The following CDKAL1 variants were observed in gnomAD, a reference collection of about 807,000 sequenced individuals.
CDKAL1 encodes threonylcarbamoyladenosine tRNA methylthiotransferase.
Under a neutral mutation model 68.2 loss-of-function variants are expected in CDKAL1, and 32 were observed. The ratio of observed to expected loss-of-function variants is 0.47; its 90% CI spans 0.35 to 0.63. CDKAL1 has a LOEUF of 0.63. CDKAL1 is among the 30% of genes least tolerant of loss of function. CDKAL1 has a pLI of 0.00. For missense variants in CDKAL1, 606 were observed against 696.7 expected, an observed-to-expected ratio of 0.87 and a Z score of 1.47; for synonymous variants, 234 against 244.3, an observed-to-expected ratio of 0.96 and a Z score of 0.39.
At chr6:21,114,179 CGGAGCTTGCAGTGA>C (rs930097662) in intron 13 of CDKAL1, among the ~76,000 whole-genome samples, 7 of 141,326 alleles carry the variant, frequency 5.0e-5, no homozygotes, top group African/African-American at 7.9e-5. Flanking sequence ...ACCTGGGAGG[CGGAGCTTGCAGTGA>C]GCCGAGATCT....
chr6:21,091,542 G>T (rs1773007913), intron 12 of CDKAL1, among the ~76,000 whole-genome samples: 1 of 152,154 alleles, frequency 6.6e-6, no homozygotes. Flanking sequence ...TACAGCTCAG[G>T]CATCTCCTCA....
At chr6:20,941,573 T>C (rs1763974363) in intron 9 of CDKAL1, among the ~76,000 whole-genome samples, 1 of 152,226 alleles carries the variant, frequency 6.6e-6, no homozygotes, top group Non-Finnish European at 1.5e-5. Context: ...TTCAAATACA[T>C]TGATTGATTA....
chr6:21,191,616 T>C (rs1019753413), intron 13 of CDKAL1, among the ~76,000 whole-genome samples: 2 of 152,176 alleles, frequency 1.3e-5, no homozygotes, highest in African/African-American at 2.4e-5. Flanking sequence ...CCACTGCCAC[T>C]GCCACTGAGC....
intron 5 of CDKAL1, among the ~76,000 whole-genome samples, chr6:20,681,818 G>A (rs957007357): frequency 2.6e-5 from 4 of 152,170 alleles, no homozygotes; most frequent in African/African-American, 9.7e-5. Context: ...ATTACAGACT[G>A]TCTTAGTTTG....
At chr6:20,714,989 T>C (rs1022709149) in intron 5 of CDKAL1, among the ~76,000 whole-genome samples, 8 of 152,216 alleles carry the variant, frequency 5.3e-5, no homozygotes, top group African/African-American at 1.9e-4. Context: ...ACATATATAG[T>C]AAAAATATTA....
At chr6:21,073,484 C>A (rs1012975584) in intron 12 of CDKAL1, among the ~76,000 whole-genome samples, 14 of 152,276 alleles carry the variant, frequency 9.2e-5, no homozygotes, top group African/African-American at 3.4e-4. Flanking sequence ...TGTTCCATAT[C>A]CTTGCCAACA....
intron 15 of CDKAL1, among the ~76,000 whole-genome samples, chr6:21,211,840 C>T (rs1259811715): frequency 6.6e-6 from 1 of 152,176 alleles, no homozygotes; most frequent in Non-Finnish European, 1.5e-5. Context: ...GACTTGTAGT[C>T]TCTACTTCCC....
chr6:20,982,586 C>A (rs1282281141), intron 10 of CDKAL1, among the ~76,000 whole-genome samples: 4 of 151,410 alleles, frequency 2.6e-5, no homozygotes, highest in Admixed American at 6.6e-5. Context: ...AGACAAAAAA[C>A]CCCAAAAGAA....
intron 4 of CDKAL1, among the ~76,000 whole-genome samples, chr6:20,620,198 G>A (rs1767114791): frequency 6.6e-6 from 1 of 152,144 alleles, no homozygotes; most frequent in African/African-American, 2.4e-5. Flanking sequence ...GAAAAGAAAA[G>A]TCACCTTAAT....
chr6:20,603,768 AT>A (rs745786047), intron 4 of CDKAL1, among the ~76,000 whole-genome samples: 857 of 85,162 alleles, frequency 0.01, 2 homozygotes, highest in African/African-American at 0.022. Context: ...CAGTTGCTAA[AT>A]TTTTTTTTTT....
At chr6:21,164,533 A>G (rs528343803) in intron 13 of CDKAL1, among the ~76,000 whole-genome samples, 1 of 152,316 alleles carries the variant, frequency 6.6e-6, no homozygotes, top group East Asian at 1.9e-4. Flanking sequence ...ATTGTCTCCC[A>G]GCATTCCCTG....
intron 9 of CDKAL1, among the ~76,000 whole-genome samples, chr6:20,908,897 T>A (rs1482729232): frequency 6.6e-6 from 1 of 152,214 alleles, no homozygotes; most frequent in African/African-American, 2.4e-5. Context: ...GCTTCAGTCA[T>A]GAGAATATGA....
chr6:20,717,887 T>C (rs1772171809), intron 5 of CDKAL1, among the ~76,000 whole-genome samples: 1 of 152,238 alleles, frequency 6.6e-6, no homozygotes, highest in Middle Eastern at 3.4e-3. Context: ...TCAGGCACAG[T>C]AGAGAAGGAG....
intron 6 of CDKAL1, among the ~76,000 whole-genome samples, chr6:20,745,449 A>G (rs1773624688): frequency 6.6e-6 from 1 of 151,124 alleles, no homozygotes; most frequent in African/African-American, 2.4e-5. Context: ...GCCATGTTCT[A>G]TTTTTTTTTA....
At chr6:20,612,101 A>G (rs1193838656) in intron 4 of CDKAL1, among the ~76,000 whole-genome samples, 1 of 152,164 alleles carries the variant, frequency 6.6e-6, no homozygotes, top group Non-Finnish European at 1.5e-5. Context: ...CTTTATGGCC[A>G]AATAGCATTC....
intron 10 of CDKAL1, among the ~76,000 whole-genome samples, chr6:20,966,551 G>C (rs1321789248): frequency 6.6e-6 from 1 of 152,118 alleles, no homozygotes; most frequent in African/African-American, 2.4e-5. Flanking sequence ...AATCCTGAAA[G>C]ATCCCCAATT....
At chr6:20,604,689 G>A (rs1766258273) in intron 4 of CDKAL1, among the ~76,000 whole-genome samples, 1 of 152,150 alleles carries the variant, frequency 6.6e-6, no homozygotes, top group South Asian at 2.1e-4. Flanking sequence ...TAATTGAAAG[G>A]TAGAATGGCT....
chr6:21,043,629 C>G (rs574050649), intron 11 of CDKAL1, among the ~76,000 whole-genome samples: 3 of 152,218 alleles, frequency 2.0e-5, no homozygotes, highest in African/African-American at 7.2e-5. Context: ...TTCATCATCC[C>G]TATTTTAGTG....
intron 8 of CDKAL1, among the ~76,000 whole-genome samples, chr6:20,802,315 C>CAATAAT (rs55851833): frequency 5.2e-5 from 6 of 115,502 alleles, no homozygotes; most frequent in South Asian, 5.6e-4. Flanking sequence ...ACAACAACAA[C>CAATAAT]AATAATAATA....
Sources: allele counts gnomAD v4.1 joint callset (sites outside exome capture counted in the v4.1 genomes callset), GRCh38; gene constraint gnomAD v4.1.1; transcripts MANE v1.5; gene names NCBI Gene and HGNC (gene_info 2026-07-23, HGNC 2026-07-21).